The following SLC1A2 variants were observed in gnomAD, a reference collection of about 807,000 sequenced individuals.
SLC1A2 encodes the protein excitatory amino acid transporter 2.
In SLC1A2, 15 loss-of-function variants were observed where a neutral mutation model predicts 48.8. That is an observed-to-expected ratio of 0.31 (90% CI 0.21 to 0.47). The LOEUF is 0.47. Among genes scored for constraint, SLC1A2 ranks in the 20% least tolerant of loss-of-function variants. The pLI is 0.99. For synonymous variants in SLC1A2, 279 were observed against 272.6 expected, an observed-to-expected ratio of 1.02 and a Z score of -0.23; for missense variants, 502 against 730.5, an observed-to-expected ratio of 0.69 and a Z score of 3.61.
intron 1 of SLC1A2, among the ~76,000 whole-genome samples, chr11:35,400,933 C>A (rs1279440936): frequency 6.7e-6 from 1 of 149,362 alleles, no homozygotes; most frequent in Non-Finnish European, 1.5e-5. Context: ...AGACATAAAA[C>A]ATCAATCAAT....
In SLC1A2 at chr11:35,311,893, G is replaced by GA. The variant is rs1565233363; in HGVS notation, c.561+304_561+305insT. Among the ~76,000 whole-genome samples the GA allele has an allele frequency of 3.2e-3, 219 of 69,244 alleles. 2 individuals carry two copies. The highest frequency in any genetic ancestry group is 0.01 in the African/African-American group (174 of 17,216). The allele number at this position is 69,244 out of a possible 152,430, so 45.4% of individuals were successfully genotyped here. A position where few individuals can be genotyped will look rare whatever the true frequency, so the allele number is the denominator to read the frequency against. ...TAAGGAGAGAGAGAGAGAGAGAGAGGGAGGGAGAGAGAGAGAGAGAGAGAG... is the reference window on the plus strand; with the variant it reads ...TAAGGAGAGAGAGAGAGAGAGAGAGGAGAGGGAGAGAGAGAGAGAGAGAGAG... On this transcript the variant is annotated intron_variant, in intron 4 of 10. Coordinates refer to ENST00000278379, the MANE Select transcript of SLC1A2 (RefSeq NM_004171.4).
At chr11:35,418,924 G>T in intron 1 of SLC1A2, 26 bp downstream of exon 1, 1 of 1,555,172 alleles carries the variant, frequency 6.4e-7, no homozygotes, top group Non-Finnish European at 8.7e-7. Flanking sequence ...CCGCTTTCCC[G>T]CGGGTACAGA....
chr11:35,398,784 A>G (rs963960360), intron 1 of SLC1A2, among the ~76,000 whole-genome samples: 1 of 152,218 alleles, frequency 6.6e-6, no homozygotes, highest in Non-Finnish European at 1.5e-5. Flanking sequence ...GCAACAGCAT[A>G]TTGTGTTAAG....
chr11:35,384,088 G>T (rs557452851), intron 1 of SLC1A2, among the ~76,000 whole-genome samples: 58 of 152,302 alleles, frequency 3.8e-4, no homozygotes, highest in Non-Finnish European at 2.2e-4. Flanking sequence ...TTGGTTGCTT[G>T]AAAGAGAAAT....
intron 1 of SLC1A2, among the ~76,000 whole-genome samples, chr11:35,347,965 A>G (rs1403129219): frequency 6.6e-6 from 1 of 152,222 alleles, no homozygotes; most frequent in Non-Finnish European, 1.5e-5. Context: ...GAAGTGGCAG[A>G]AGGGACCTCT....
At chr11:35,324,769 T>C (rs1229734288) in intron 1 of SLC1A2, among the ~76,000 whole-genome samples, 1 of 152,156 alleles carries the variant, frequency 6.6e-6, no homozygotes, top group Admixed American at 6.5e-5. Context: ...GGATATGGCC[T>C]CTGGACTTCT....
intron 4 of SLC1A2, 150 bp downstream of exon 4, chr11:35,312,047 TA>T: frequency 1.3e-6 from 1 of 756,426 alleles, no homozygotes; most frequent in Non-Finnish European, 2.1e-6. Flanking sequence ...GATCCTGCCC[TA>T]AACCACCTCA....
chr11:35,332,054 TG>T (rs1197244836), intron 1 of SLC1A2, among the ~76,000 whole-genome samples: 1 of 152,118 alleles, frequency 6.6e-6, no homozygotes, highest in African/African-American at 2.4e-5. Flanking sequence ...GCATCTCCCA[TG>T]GAGATGGCTT....
intron 1 of SLC1A2, among the ~76,000 whole-genome samples, chr11:35,364,382 A>C (rs1305091327): frequency 6.6e-6 from 1 of 152,170 alleles, no homozygotes; most frequent in Non-Finnish European, 1.5e-5. Context: ...CTTCTCACCT[A>C]CTTTCTTATT....
At position 35,301,539 on chromosome 11, in the gene SLC1A2, C is replaced by T. The variant is rs1851355876; in HGVS notation, c.837G>A (p.Lys279=). 1 of 1,613,750 alleles carries T rather than the reference C, an allele frequency of 6.2e-7. No homozygotes were observed. ...CTTACCACATGATCATGATCACTAA[C>T]TTCATTACAATCTCATTCAAAATGT... ...FFNILNEIVM[K]LVIMIMWYSP... The change falls in exon 6 of 11, where the codon AAG becomes AAA. Residue 279 remains lysine (K), a synonymous_variant. Transcript: ENST00000278379.
intron 1 of SLC1A2, among the ~76,000 whole-genome samples, chr11:35,354,288 CAA>C (rs77964748): frequency 2.0e-5 from 3 of 149,322 alleles, no homozygotes; most frequent in Non-Finnish European, 4.5e-5. Context: ...CCCGTGTCTA[CAA>C]AAAAAAAATT....
intron 4 of SLC1A2, 66 bp from the exon 5 acceptor site, chr11:35,306,308 T>C (rs1851505183): frequency 1.4e-5 from 17 of 1,254,170 alleles, no homozygotes; most frequent in East Asian, 2.4e-5. Context: ...AAAAAAAAGA[T>C]TGGCTACTCA....
chr11:35,314,813 A>C (rs1046099952), intron 3 of SLC1A2, among the ~76,000 whole-genome samples: 1 of 139,814 alleles, frequency 7.2e-6, no homozygotes, highest in African/African-American at 2.7e-5. Context: ...TTTTTGCTGG[A>C]GAGAAAGACA....
chr11:35,374,424 G>A, intron 1 of SLC1A2: 2 of 472,424 alleles, frequency 4.2e-6, no homozygotes, highest in Non-Finnish European at 8.1e-6. Context: ...GCAAAGAAAA[G>A]AGACCTACAA....
At chr11:35,332,211 TC>T (rs1852453001) in intron 1 of SLC1A2, among the ~76,000 whole-genome samples, 1 of 152,188 alleles carries the variant, frequency 6.6e-6, no homozygotes, top group African/African-American at 2.4e-5. Flanking sequence ...TTTATGCACT[TC>T]CTGAAGTCAT....
At chr11:35,362,913 T>TA (rs2135135262) in intron 1 of SLC1A2, among the ~76,000 whole-genome samples, 1 of 152,336 alleles carries the variant, frequency 6.6e-6, no homozygotes, top group South Asian at 2.1e-4. Flanking sequence ...ACTGAAGACT[T>TA]ACTATGTGCC....
intron 9 of SLC1A2, among the ~76,000 whole-genome samples, chr11:35,272,398 G>T (rs1245376642): frequency 2.0e-5 from 3 of 152,216 alleles, no homozygotes; most frequent in Non-Finnish European, 2.9e-5. Context: ...CTCATGCCAG[G>T]TTTCTCTGCC....
chr11:35,334,980 G>A (rs529183515), intron 1 of SLC1A2, among the ~76,000 whole-genome samples: 3 of 152,168 alleles, frequency 2.0e-5, no homozygotes, highest in Non-Finnish European at 1.5e-5. Context: ...CGGGTAGCTA[G>A]GAGTAGACAG....
At chr11:35,343,426 C>G (rs1852915122) in intron 1 of SLC1A2, among the ~76,000 whole-genome samples, 2 of 152,174 alleles carry the variant, frequency 1.3e-5, no homozygotes, top group Admixed American at 6.5e-5. Context: ...TCACCTTTTT[C>G]CAGGAACCTT....
Sources: gnomAD v4.1 joint callset for allele counts (sites outside exome capture counted in the v4.1 genomes callset) on GRCh38, gnomAD v4.1.1 for gene constraint, MANE v1.5 for transcripts, NCBI Gene and HGNC (gene_info 2026-07-23, HGNC 2026-07-21) for gene names.